Variants in PPM1A observed in about 807,000 individuals in gnomAD.
PPM1A encodes the protein protein phosphatase 1A.
PPM1A carries 7 observed loss-of-function variants against 35.0 expected under a neutral mutation model. The observed-to-expected ratio is 0.20, with a 90% CI of 0.11 to 0.38. The LOEUF is 0.38. Among genes scored for constraint, PPM1A ranks in the 10% least tolerant of loss-of-function variants. PPM1A has a pLI of 1.00. For missense variants in PPM1A, 239 were observed against 467.8 expected (o/e 0.51, Z 4.51); for synonymous variants, 153 against 167.3 (o/e 0.91, Z 0.66).
At position 60,289,722 on chromosome 14, in the gene PPM1A, T is replaced by G. The variant is rs2139584241; in HGVS notation, c.953-84T>G. The G allele has an allele frequency of 1.1e-6, 1 of 880,640 alleles. No individual in the cohort carries two copies. The highest frequency in any genetic ancestry group is 1.7e-5 in the African/African-American group (1 of 57,840). 54.6% of individuals were successfully genotyped at this position (880,640 alleles called of 1,614,324 possible). Reference sequence around the variant, plus strand: ...TCTCAGATGTGGTAAATGCCATCTTTAAAAAGCTAGGTTATCTTTGTTTCG... The same window carrying G: ...TCTCAGATGTGGTAAATGCCATCTTGAAAAAGCTAGGTTATCTTTGTTTCG... On this transcript the variant is annotated intron_variant, in intron 3 of 5. Coordinates refer to ENST00000395076, the MANE Select transcript of PPM1A (RefSeq NM_021003.5). The surrounding 1 kb of genome is among the most constrained non-coding windows in gnomAD (Gnocchi z 4.1).
In PPM1A at chr14:60,282,845, A is replaced by G. The variant is rs766500262; in HGVS notation, c.142A>G (p.Ser48Gly). The G allele has an allele frequency of 6.2e-7, 1 of 1,614,250 alleles. No individual in the cohort carries two copies. Among genetic ancestry groups the G allele is most frequent in the South Asian group, 1.1e-5 (1 of 91,086 alleles). The change falls in exon 2 of 6, where the codon AGT becomes GGT. Residue 48 changes from serine to glycine, a missense_variant. Physicochemically the swap from Ser to Gly is moderately conservative, Grantham distance 56. This residue lies in a region of PPM1A where 175 missense variants were observed against 389.2 expected (regional missense o/e 0.45). Coordinates refer to ENST00000395076, the MANE Select transcript of PPM1A (RefSeq NM_021003.5). This position sits in a 1 kb window ranked among gnomAD's most constrained non-coding sequence, Gnocchi z 5.1. ...ACATACGGCTGTGATCGGTTTGCCA[A>G]GTGGACTTGAATCGTGGTCATTCTT... ...DAHTAVIGLP[S>G]GLESWSFFAV... is the part of the protein sequence containing the mutation.
intron 1 of PPM1A, among the ~76,000 whole-genome samples, chr14:60,271,949 A>T (rs773646438): frequency 1.3e-5 from 2 of 152,154 alleles, no homozygotes; most frequent in African/African-American, 2.4e-5. Context: ...ATTGATGAGG[A>T]AAGTTAGACA....
chr14:60,283,022 G>A lies in PPM1A; in HGVS notation c.319G>A (p.Glu107Lys). The A allele has an allele frequency of 6.2e-7, 1 of 1,614,202 alleles. No individual in the cohort carries two copies. The highest frequency in any genetic ancestry group is 2.2e-5 in the East Asian group (1 of 44,892). Residue 107 changes from glutamate (E) to lysine (K), a missense_variant, in exon 2 of 6, where the codon GAG becomes AAG. Coordinates refer to ENST00000395076, the MANE Select transcript of PPM1A (RefSeq NM_021003.5). This position sits in a 1 kb window ranked among gnomAD's most constrained non-coding sequence, Gnocchi z 6.3. ...VKNGIRTGFL[E>K]IDEHMRVMSE... The stretch of plus-strand genomic sequence containing the variant: ...GAATGGAATCAGAACAGGTTTTCTG[G>A]AGATTGATGAACACATGAGAGTTAT...
intron 1 of PPM1A, among the ~76,000 whole-genome samples, chr14:60,279,020 T>G (rs1007043736): frequency 1.1e-4 from 17 of 152,224 alleles, no homozygotes; most frequent in Admixed American, 1.0e-3. Context: ...GTAAGAATTA[T>G]GTGCACCTCA....
rs1228694738 is a variant in PPM1A, at chr14:60,249,363, G to T, written c.-335G>T. The T allele has an allele frequency of 2.7e-5, 26 of 955,186 alleles. No individual in the cohort carries two copies. The highest frequency in any genetic ancestry group is 1.2e-4 in the East Asian group (1 of 8,612). 59.2% of individuals were successfully genotyped at this position (955,186 alleles called of 1,614,324 possible). A position where few individuals can be genotyped will look rare whatever the true frequency, so the allele number is the denominator to read the frequency against. On this transcript the variant is annotated 5_prime_UTR_variant, in exon 1 of 6. Coordinates refer to ENST00000395076, the MANE Select transcript of PPM1A (RefSeq NM_021003.5). This position sits in a 1 kb window ranked among gnomAD's most constrained non-coding sequence, Gnocchi z 4.5. ...CCGGAACGGGTGGTTGGGGAGGGGG[G>T]GGTGGGGGGACTCTAGACAGCTGAG...
rs1028808057 is a variant in PPM1A, at chr14:60,282,489, G to C, written c.-20-195G>C. ...GTTTTTTTCTGCCTTTTTGTCTGTT[G>C]TGATCTGTGCTTCATCAGGCTTTCC... On this transcript the variant is annotated intron_variant, in intron 1 of 5. Transcript: ENST00000395076. The surrounding 1 kb of genome is among the most constrained non-coding windows in gnomAD (Gnocchi z 5.1). Among the ~76,000 whole-genome samples, 4 of 151,982 alleles carry C rather than the reference G, an allele frequency of 2.6e-5. No individual in the cohort carries two copies. The highest frequency in any genetic ancestry group is 9.7e-5 in the African/African-American group (4 of 41,358).
chr14:60,260,894 A>T (rs558293828), intron 1 of PPM1A, among the ~76,000 whole-genome samples: 1 of 152,132 alleles, frequency 6.6e-6, no homozygotes, highest in Non-Finnish European at 1.5e-5. Context: ...ACCGGGAAAA[A>T]GTATTAAGTT....
chr14:60,259,371 T>C (rs1377784547), intron 1 of PPM1A, among the ~76,000 whole-genome samples: 1 of 152,110 alleles, frequency 6.6e-6, no homozygotes, highest in East Asian at 1.9e-4. Context: ...AACTTAAGTA[T>C]ACAAGGTTAT....
At chr14:60,286,712 A>G (rs1240552801) in intron 3 of PPM1A, 2 of 983,648 alleles carry the variant, frequency 2.0e-6, no homozygotes, top group Non-Finnish European at 1.2e-6. Context: ...TTTGATACCA[A>G]TCATAATCAG....
chr14:60,281,753 CTTTTGAGTA>C (rs1427140076), intron 1 of PPM1A, among the ~76,000 whole-genome samples: 5 of 152,150 alleles, frequency 3.3e-5, no homozygotes, highest in Non-Finnish European at 4.4e-5. Context: ...CGGGTGTTAA[CTTTTGAGTA>C]TTGGAAAAGG....
At chr14:60,254,342 A>G (rs1282341712) in intron 1 of PPM1A, among the ~76,000 whole-genome samples, 1 of 152,218 alleles carries the variant, frequency 6.6e-6, no homozygotes, top group Admixed American at 6.5e-5. Flanking sequence ...CAAGATGTCA[A>G]GGGTTTGGAG....
upstream of PPM1A, among the ~76,000 whole-genome samples, chr14:60,248,014 G>GA (rs1339091049): frequency 2.0e-5 from 3 of 152,078 alleles, no homozygotes; most frequent in Non-Finnish European, 4.4e-5. Context: ...CTTTTCCTGC[G>GA]AATGTGGTGT....
chr14:60,287,566 C>CT, intron 3 of PPM1A: 1 of 985,314 alleles, frequency 1.0e-6, no homozygotes, highest in Non-Finnish European at 1.2e-6. Flanking sequence ...TTTTCTCTCT[C>CT]TCTTCTTTCT....
At chr14:60,250,439 C>T (rs746320940) in intron 1 of PPM1A, 38 of 984,640 alleles carry the variant, frequency 3.9e-5, no homozygotes, top group South Asian at 4.7e-5. Flanking sequence ...AGCCTTCTAC[C>T]AACTGCAGTT....
At position 60,282,581 on chromosome 14, in the gene PPM1A, G is replaced by A. The variant is rs1306371255; in HGVS notation, c.-20-103G>A. 4.3e-6 allele frequency: 6 copies of A among 1,402,928 alleles called. No individual in the cohort carries two copies. The Admixed American group carries it at 1.4e-4, about 33-fold the overall frequency. The allele number at this position is 1,402,928 out of a possible 1,614,324, so 86.9% of individuals were successfully genotyped here. A position where few individuals can be genotyped will look rare whatever the true frequency, so the allele number is the denominator to read the frequency against. The stretch of plus-strand genomic sequence containing the variant: ...CACAATGAATGTCTGCTTATCGCGA[G>A]TTGTGAATTCCCGCATATCTCTTTC... On this transcript the variant is annotated intron_variant, in intron 1 of 5. Coordinates refer to ENST00000395076, the MANE Select transcript of PPM1A (RefSeq NM_021003.5). This position sits in a 1 kb window ranked among gnomAD's most constrained non-coding sequence, Gnocchi z 5.1.
At chr14:60,253,853 C>G (rs184875916) in intron 1 of PPM1A, among the ~76,000 whole-genome samples, 1 of 152,096 alleles carries the variant, frequency 6.6e-6, no homozygotes, top group African/African-American at 2.4e-5. Context: ...TGAAGGGCCC[C>G]GTGGTGGACA....
At chr14:60,286,641 C>T in intron 3 of PPM1A, 7 of 985,224 alleles carry the variant, frequency 7.1e-6, no homozygotes, top group Non-Finnish European at 8.4e-6. Context: ...ACACCTACAT[C>T]CCACTGTGCC....
At chr14:60,262,369 G>T (rs1233630020) in intron 1 of PPM1A, among the ~76,000 whole-genome samples, 1 of 152,168 alleles carries the variant, frequency 6.6e-6, no homozygotes, top group Non-Finnish European at 1.5e-5. Flanking sequence ...GAGGGAAATT[G>T]GAGGGACTTT....
chr14:60,277,856 A>G (rs1035634834), intron 1 of PPM1A, among the ~76,000 whole-genome samples: 3 of 152,202 alleles, frequency 2.0e-5, no homozygotes, highest in African/African-American at 7.2e-5. Flanking sequence ...CAGATGAGGA[A>G]GTTGAGGAAT....
Sources: allele counts gnomAD v4.1 joint callset (sites outside exome capture counted in the v4.1 genomes callset), GRCh38; gene constraint gnomAD v4.1.1; regional missense constraint gnomAD v4.1.1; non-coding constraint Gnocchi (gnomAD v3.1); transcripts MANE v1.5; gene names NCBI Gene and HGNC (gene_info 2026-07-23, HGNC 2026-07-21).